ASPH: variants seen among roughly 807,000 people sequenced by gnomAD.
The protein encoded by ASPH is aspartyl/asparaginyl beta-hydroxylase.
Under a neutral mutation model 118.4 loss-of-function variants are expected in ASPH, and 100 were observed. That is an observed-to-expected ratio of 0.84 (90% CI 0.72 to 1.00). ASPH has a LOEUF of 1.00. ASPH is among the 50% of genes least tolerant of loss of function. The pLI is 0.00. For missense variants in ASPH, 920 were observed against 919.5 expected, an observed-to-expected ratio of 1.00 and a Z score of -0.01; for synonymous variants, 315 against 325.6, an observed-to-expected ratio of 0.97 and a Z score of 0.35.
intron 3 of ASPH, chr8:61,663,240 T>G: frequency 3.0e-6 from 3 of 985,368 alleles, no homozygotes; most frequent in Non-Finnish European, 2.4e-6. Context: ...TTGATGAAGT[T>G]TGAGTGGGAC....
At chr8:61,639,814 C>A (rs1804230786) in intron 10 of ASPH, among the ~76,000 whole-genome samples, 1 of 152,164 alleles carries the variant, frequency 6.6e-6, no homozygotes, top group Admixed American at 6.5e-5. Context: ...GACTCATGAG[C>A]CCCTGCCCCG....
intron 12 of ASPH, among the ~76,000 whole-genome samples, chr8:61,637,187 C>T (rs1422418654): frequency 6.6e-6 from 1 of 152,060 alleles, no homozygotes; most frequent in African/African-American, 2.4e-5. Flanking sequence ...GTTGTTAAAG[C>T]AGAGACCCCA....
chr8:61,597,586 A>G (rs1183967443), intron 14 of ASPH, among the ~76,000 whole-genome samples: 1 of 152,236 alleles, frequency 6.6e-6, no homozygotes, highest in Admixed American at 6.5e-5. Flanking sequence ...AAGTTACATT[A>G]CAGTAAAACT....
At chr8:61,681,407 G>A (rs1373080710) in intron 2 of ASPH, among the ~76,000 whole-genome samples, 1 of 151,646 alleles carries the variant, frequency 6.6e-6, no homozygotes, top group African/African-American at 2.4e-5. Flanking sequence ...TAAGTCACTT[G>A]AAATTTAATG....
chr8:61,586,135 C>T (rs991264921), intron 14 of ASPH, among the ~76,000 whole-genome samples: 3 of 152,156 alleles, frequency 2.0e-5, no homozygotes, highest in East Asian at 1.9e-4. Context: ...ATGTTGCCCA[C>T]TCTCCCAGTG....
At chr8:61,594,302 G>A (rs948862627) in intron 14 of ASPH, among the ~76,000 whole-genome samples, 1 of 152,108 alleles carries the variant, frequency 6.6e-6, no homozygotes, top group East Asian at 1.9e-4. Context: ...TATTAATTTT[G>A]CTTAAATGAT....
At chr8:61,528,120 C>T (rs549046352) in intron 21 of ASPH, among the ~76,000 whole-genome samples, 2 of 152,216 alleles carry the variant, frequency 1.3e-5, no homozygotes, top group South Asian at 4.1e-4. Context: ...GTCATTTATC[C>T]ATGTTTAGGG....
intron 12 of ASPH, among the ~76,000 whole-genome samples, chr8:61,636,201 T>C (rs1197472266): frequency 6.6e-6 from 1 of 152,090 alleles, no homozygotes; most frequent in African/African-American, 2.4e-5. Context: ...AAAGATGGGT[T>C]TGGAGGGGAC....
At position 61,668,355 on chromosome 8, in the gene ASPH, TA is replaced by T. The variant is rs371680778; in HGVS notation, c.322+12612del. On this transcript the variant is annotated intron_variant, in intron 3 of 24. Coordinates refer to ENST00000379454, the MANE Select transcript of ASPH (RefSeq NM_004318.4). Reference sequence around the variant, plus strand: ...CAAAAATAAGTGTCTATTAAATAGGTAAAATCAATGCCACTATAAAATATGT... The same window carrying T: ...CAAAAATAAGTGTCTATTAAATAGGTAAATCAATGCCACTATAAAATATGT... 177 of 1,092,620 alleles carry T rather than the reference TA, an allele frequency of 1.6e-4. 1 individual carries two copies. The African/African-American group carries it at 2.3e-3, about 14-fold the overall frequency. 67.7% of individuals were successfully genotyped at this position (1,092,620 alleles called of 1,614,324 possible). A position where few individuals can be genotyped will look rare whatever the true frequency, so the allele number is the denominator to read the frequency against.
chr8:61,628,467 C>G, intron 13 of ASPH: 1 of 227,980 alleles, frequency 4.4e-6, no homozygotes, highest in Non-Finnish European at 9.0e-6. Flanking sequence ...CTGTGCCCAG[C>G]AGATCAACAC....
chr8:61,635,081 G>A (rs1348056064), intron 12 of ASPH, among the ~76,000 whole-genome samples: 1 of 151,968 alleles, frequency 6.6e-6, no homozygotes, highest in Non-Finnish European at 1.5e-5. Flanking sequence ...ATTCTGTATG[G>A]CTTTCTCTTC....
intron 14 of ASPH, among the ~76,000 whole-genome samples, chr8:61,604,159 A>G (rs1844904572): frequency 6.6e-6 from 1 of 152,198 alleles, no homozygotes; most frequent in Non-Finnish European, 1.5e-5. Flanking sequence ...GATGGCTTCA[A>G]TGAGTGAGCA....
chr8:61,618,448 T>C (rs567437893), intron 14 of ASPH, among the ~76,000 whole-genome samples: 1 of 152,358 alleles, frequency 6.6e-6, no homozygotes, highest in Non-Finnish European at 1.5e-5. Context: ...TCTGCATAGC[T>C]GTAACTTTGT....
rs1211981782 is a variant in ASPH, at chr8:61,600,539, T to C, written c.977-16510A>G. 3.3e-5 allele frequency among the ~76,000 whole-genome samples: 5 copies of C among 151,262 alleles called. 1 individual carries two copies. The highest frequency in any genetic ancestry group is 1.2e-4 in the African/African-American group (5 of 40,646). On this transcript the variant is annotated intron_variant, in intron 14 of 24. Transcript: ENST00000379454. Reference sequence around the variant, plus strand: ...AAACAAATTCAGTAAAGTTACAGGATACAAAATCAATATGCAAAAATCAGT... The same window carrying C: ...AAACAAATTCAGTAAAGTTACAGGACACAAAATCAATATGCAAAAATCAGT...
In ASPH at chr8:61,501,294, C is replaced by T. The variant is rs763957697; in HGVS notation, c.*2065G>A. 2.6e-5 allele frequency: 4 copies of T among 152,146 alleles called. No homozygotes were observed. Among genetic ancestry groups the T allele is most frequent in the Non-Finnish European group, 5.9e-5 (4 of 68,004 alleles). The allele number at this position is 152,146 out of a possible 1,614,324, so 9.4% of individuals were successfully genotyped here. A position where few individuals can be genotyped will look rare whatever the true frequency, so the allele number is the denominator to read the frequency against. ...TTGTGGGATACAAGTATTTACAATG[C>T]TATTGGAGTCAATTATTGACAACAC... On this transcript the variant is annotated 3_prime_UTR_variant, in exon 25 of 25. Transcript: ENST00000379454.
intron 3 of ASPH, chr8:61,665,675 T>A: frequency 1.4e-6 from 2 of 1,450,330 alleles, no homozygotes; most frequent in Non-Finnish European, 1.8e-6. Context: ...AACAGGAAGT[T>A]AGTGAAAAGG....
intron 22 of ASPH, among the ~76,000 whole-genome samples, chr8:61,522,796 A>C (rs549903035): frequency 6.6e-6 from 1 of 152,314 alleles, no homozygotes; most frequent in African/African-American, 2.4e-5. Context: ...TCTTCATAGC[A>C]GTGTGAGAAC....
intron 16 of ASPH, chr8:61,576,571 A>T: frequency 4.2e-6 from 2 of 475,742 alleles, no homozygotes; most frequent in South Asian, 8.4e-5. Context: ...GAGAGAAGTC[A>T]TATGGAGGGG....
At position 61,618,463 on chromosome 8, in the gene ASPH, A is replaced by T. The variant is rs146665402; in HGVS notation, c.976+515T>A. On this transcript the variant is annotated intron_variant, in intron 14 of 24. Transcript: ENST00000379454. Reference sequence around the variant, plus strand: ...TCTGCATAGCTGTAACTTTGTTTGTATATCTTTCCAACAATTCAGAGTTCC... The same window carrying T: ...TCTGCATAGCTGTAACTTTGTTTGTTTATCTTTCCAACAATTCAGAGTTCC... Among the ~76,000 whole-genome samples, 200 of 152,322 alleles carry T rather than the reference A, an allele frequency of 1.3e-3. 1 individual carries two copies. The highest frequency in any genetic ancestry group is 4.5e-3 in the African/African-American group (188 of 41,580).
Sources: gnomAD v4.1 joint callset for allele counts (sites outside exome capture counted in the v4.1 genomes callset) on GRCh38, gnomAD v4.1.1 for gene constraint, MANE v1.5 for transcripts, NCBI Gene and HGNC (gene_info 2026-07-23, HGNC 2026-07-21) for gene names.